Variants in GRK3 observed in about 807,000 individuals in gnomAD.
The protein encoded by GRK3 is adrenergic, beta, receptor kinase 2.
A neutral mutation model predicts 95.7 loss-of-function variants in GRK3; 54 were observed. The observed-to-expected ratio is 0.56, with a 90% confidence interval of 0.45 to 0.71. The LOEUF (loss-of-function observed/expected upper bound fraction) is 0.71, where lower values mean the gene tolerates loss of function less well. GRK3 is among the 30% of genes least tolerant of loss of function. The pLI is 0.00. For synonymous variants in GRK3, 281 were observed against 290.8 expected, an observed-to-expected ratio of 0.97 and a Z score of 0.34; for missense variants, 649 against 851.2, an observed-to-expected ratio of 0.76 and a Z score of 2.96.
chr22:25,655,376 G>A (rs2084862864), intron 3 of GRK3, among the ~76,000 whole-genome samples: 1 of 152,112 alleles, frequency 6.6e-6, no homozygotes, highest in Admixed American at 6.5e-5. Flanking sequence ...ACTTTACTGT[G>A]TCCTTTCCCC....
intron 6 of GRK3, among the ~76,000 whole-genome samples, chr22:25,668,730 G>A (rs2084959014): frequency 6.6e-6 from 1 of 152,144 alleles, no homozygotes; most frequent in Non-Finnish European, 1.5e-5. Context: ...CCAAGTCCTG[G>A]GCCATCTCCA....
intron 15 of GRK3, among the ~76,000 whole-genome samples, chr22:25,707,755 C>A (rs2085311218): frequency 6.6e-6 from 1 of 152,142 alleles, no homozygotes; most frequent in East Asian, 1.9e-4. Context: ...GTGGTGAGTT[C>A]ATTGAAGAAG....
At chr22:25,568,438 G>T (rs1218819824) in intron 1 of GRK3, among the ~76,000 whole-genome samples, 2 of 152,102 alleles carry the variant, frequency 1.3e-5, no homozygotes, top group African/African-American at 2.4e-5. Flanking sequence ...CATTTCAAAT[G>T]TTGGATCACC....
chr22:25,722,387 T>G lies in GRK3; in HGVS notation c.2004T>G (p.Pro668=). 6.2e-7 allele frequency: 1 copy of G among 1,614,064 alleles called. No individual in the cohort carries two copies. The highest frequency in any genetic ancestry group is 8.5e-7 in the Non-Finnish European group (1 of 1,180,018). ...LRRAPKFLNK[P]RSGTVELPKP... is the part of the protein sequence containing the mutation. ...GTGCCCCGAAGTTCCTCAACAAACC[T>G]CGGTCAGGTACTGTGGAGCTCCCAA... The change falls in exon 21 of 21, where the codon CCT becomes CCG. Residue 668 remains proline (P), a synonymous_variant. Transcript: ENST00000324198.
intron 13 of GRK3, among the ~76,000 whole-genome samples, chr22:25,700,557 A>C (rs1318515291): frequency 6.6e-6 from 1 of 152,198 alleles, no homozygotes; most frequent in Non-Finnish European, 1.5e-5. Context: ...TTTGAAATGC[A>C]CATTTAATAT....
intron 5 of GRK3, among the ~76,000 whole-genome samples, chr22:25,664,599 C>T (rs548775934): frequency 2.9e-4 from 43 of 147,454 alleles, no homozygotes; most frequent in South Asian, 1.9e-3. Flanking sequence ...CTGCTCATTG[C>T]AACCTCCGCC....
At chr22:25,669,291 C>A (rs1464299719) in intron 6 of GRK3, among the ~76,000 whole-genome samples, 2 of 152,102 alleles carry the variant, frequency 1.3e-5, no homozygotes, top group African/African-American at 2.4e-5. Flanking sequence ...GTCTTCCCAC[C>A]TTCCCTGAGG....
chr22:25,573,273 C>A (rs971871032), intron 1 of GRK3, among the ~76,000 whole-genome samples: 2 of 152,132 alleles, frequency 1.3e-5, no homozygotes, highest in Non-Finnish European at 2.9e-5. Context: ...AAAAAGAGAT[C>A]TGTAAAATTA....
chr22:25,591,395 G>C (rs1932483790), intron 1 of GRK3, among the ~76,000 whole-genome samples: 1 of 152,000 alleles, frequency 6.6e-6, no homozygotes, highest in Admixed American at 6.6e-5. Context: ...AAGCAAAGTA[G>C]GCTTGATTGC....
At chr22:25,708,003 C>T (rs898150152) in intron 15 of GRK3, among the ~76,000 whole-genome samples, 4 of 152,006 alleles carry the variant, frequency 2.6e-5, no homozygotes, top group African/African-American at 4.8e-5. Flanking sequence ...TTTGGGAGGC[C>T]GAGGTGGGTG....
At chr22:25,660,598 G>A (rs2084903224) in intron 3 of GRK3, among the ~76,000 whole-genome samples, 1 of 152,118 alleles carries the variant, frequency 6.6e-6, no homozygotes, top group Non-Finnish European at 1.5e-5. Flanking sequence ...TTTATTAGGA[G>A]TCTAATAAAT....
Position 25,698,182 on chromosome 22 carries a change from GAGAA to G in GRK3, c.1160+2975_1160+2978del, listed in dbSNP as rs765138597. ...GAAGGGAGAGAGGAAGAGAGGGAGG[GAGAA>G]AGAAAGGGAAGGAGGAAGGGAGGGA... On this transcript the variant is annotated intron_variant, in intron 13 of 20. Transcript: ENST00000324198. 5.5e-5 allele frequency among the ~76,000 whole-genome samples: 8 copies of G among 146,074 alleles called. No individual in the cohort carries two copies. The East Asian group carries it at 8.2e-4, about 15-fold the overall frequency.
chr22:25,617,108 C>G (rs1372326882), intron 2 of GRK3, among the ~76,000 whole-genome samples: 1 of 152,150 alleles, frequency 6.6e-6, no homozygotes, highest in Non-Finnish European at 1.5e-5. Flanking sequence ...AAAAGAGAAA[C>G]TAGGACAACT....
intron 15 of GRK3, among the ~76,000 whole-genome samples, chr22:25,705,955 C>T (rs1448371519): frequency 6.6e-6 from 1 of 152,182 alleles, no homozygotes; most frequent in Non-Finnish European, 1.5e-5. Flanking sequence ...GGTAGCATCC[C>T]TTGTGCTCGG....
intron 1 of GRK3, among the ~76,000 whole-genome samples, chr22:25,594,736 G>C (rs1023690422): frequency 6.6e-6 from 1 of 151,946 alleles, no homozygotes; most frequent in Non-Finnish European, 1.5e-5. Flanking sequence ...AAATTAGCCG[G>C]GCGTGGCGGT....
chr22:25,663,366 G>A (rs796697115), intron 4 of GRK3, among the ~76,000 whole-genome samples: 10 of 152,186 alleles, frequency 6.6e-5, no homozygotes, highest in African/African-American at 2.2e-4. Flanking sequence ...GAGTGATCTT[G>A]AACCCTTCTG....
chr22:25,587,845 A>AG (rs1932367716), intron 1 of GRK3, among the ~76,000 whole-genome samples: 1 of 152,204 alleles, frequency 6.6e-6, no homozygotes, highest in African/African-American at 2.4e-5. Context: ...CTGCTATGTA[A>AG]GACGTACCCT....
chr22:25,667,449 C>G (rs2084949772), intron 5 of GRK3, among the ~76,000 whole-genome samples: 1 of 152,160 alleles, frequency 6.6e-6, no homozygotes, highest in African/African-American at 2.4e-5. Flanking sequence ...TGAAGCGAGC[C>G]CTGCTCCTGT....
At chr22:25,637,010 G>A (rs1176959748) in intron 2 of GRK3, among the ~76,000 whole-genome samples, 2 of 152,128 alleles carry the variant, frequency 1.3e-5, no homozygotes, top group Non-Finnish European at 2.9e-5. Context: ...CCACCATCAG[G>A]GATATGGGTG....
Sources: allele counts gnomAD v4.1 joint callset (sites outside exome capture counted in the v4.1 genomes callset), GRCh38; gene constraint gnomAD v4.1.1; transcripts MANE v1.5; gene names NCBI Gene and HGNC (gene_info 2026-07-23, HGNC 2026-07-21).